Variants in COG2 observed in about 807,000 individuals in gnomAD.
The protein encoded by COG2 is conserved oligomeric Golgi complex subunit 2.
A neutral mutation model predicts 90.6 loss-of-function variants in COG2; 52 were observed. The observed-to-expected ratio is 0.57, with a 90% CI of 0.46 to 0.72. COG2 has a LOEUF of 0.72. Among genes scored for constraint, COG2 ranks in the 30% least tolerant of loss-of-function variants. The pLI is 0.00. For synonymous variants in COG2, 337 were observed against 320.4 expected (o/e 1.05, Z -0.55); for missense variants, 829 against 891.2 (o/e 0.93, Z 0.89).
intron 1 of COG2, among the ~76,000 whole-genome samples, chr1:230,651,106 CT>C (rs1661904120): frequency 6.6e-6 from 1 of 152,014 alleles, no homozygotes; most frequent in African/African-American, 2.4e-5. Flanking sequence ...CTCAATGAGA[CT>C]GAACATGTTT....
At chr1:230,661,350 C>T (rs1469650849) in intron 3 of COG2, 4 of 152,134 alleles carry the variant, frequency 2.6e-5, no homozygotes, top group Non-Finnish European at 4.4e-5. Context: ...AGTTGGGACT[C>T]CCCATGTCTA....
intron 1 of COG2, among the ~76,000 whole-genome samples, chr1:230,645,602 G>T (rs554384491): frequency 1.3e-5 from 2 of 152,260 alleles, no homozygotes; most frequent in South Asian, 4.2e-4. Context: ...GAGTGCAGGG[G>T]ATGGTTTTGG....
rs764421853 is a variant in COG2, at chr1:230,660,759, T to C, written c.236T>C (p.Val79Ala). The change falls in exon 3 of 18, where the codon GTT (valine) becomes GCT (alanine). Residue 79 changes from valine (V) to alanine (A), a missense_variant and splice_region_variant. Transcript: ENST00000366669. ...TGCCAACATGATTTCTGCCTTTAGG[T>C]TGGCATGGACAAAGCCCTCAACCAG... ...ADFVNLSTNL[V>A]GMDKALNQLS... 3.2e-6 allele frequency: 5 copies of C among 1,580,446 alleles called. No individual in the cohort carries two copies. The highest frequency in any genetic ancestry group is 4.3e-6 in the Non-Finnish European group (5 of 1,166,594).
At position 230,656,092 on chromosome 1, in the gene COG2, G is replaced by A. The variant is rs187514775; in HGVS notation, c.73-3372G>A. Among the ~76,000 whole-genome samples, 647 of 151,982 alleles carry A rather than the reference G, an allele frequency of 4.3e-3. 3 individuals carry two copies. Among genetic ancestry groups the A allele is most frequent in the African/African-American group, 0.015 (609 of 41,458 alleles). On this transcript the variant is annotated intron_variant, in intron 1 of 17. Coordinates refer to ENST00000366669, the MANE Select transcript of COG2 (RefSeq NM_007357.3). ...CATTGATTTTTTTGAAGGGTTTTTC[G>A]TGTCTCTATCTCCTTCAGTTCTGCT...
chr1:230,678,673 C>G, intron 9 of COG2: 1 of 1,425,020 alleles, frequency 7.0e-7, no homozygotes, highest in Non-Finnish European at 9.3e-7. Flanking sequence ...ACTTAGAGTG[C>G]CTGGGTCTCA....
intron 4 of COG2, among the ~76,000 whole-genome samples, chr1:230,663,542 G>C (rs947740130): frequency 3.3e-5 from 5 of 152,166 alleles, no homozygotes; most frequent in African/African-American, 1.2e-4. Context: ...AAAGATTCAA[G>C]AATGTAGTGC....
chr1:230,667,490 C>T (rs1438248288), intron 5 of COG2, among the ~76,000 whole-genome samples: 1 of 152,142 alleles, frequency 6.6e-6, no homozygotes, highest in African/African-American at 2.4e-5. Context: ...CTTTGAGGAG[C>T]TTTTCTTAAA....
Position 230,688,268 on chromosome 1 carries a change from CTGT to C in COG2, c.1651+126_1651+128del, listed in dbSNP as rs1486592763. ...GTAAATCCTTGGTTGTTTCTCTATT[CTGT>C]ATTATAACTTACCTAAATAAGATGT... On this transcript the variant is annotated intron_variant, in intron 14 of 17. Transcript: ENST00000366669. The C allele has an allele frequency of 1.1e-5, 13 of 1,223,016 alleles. No individual in the cohort carries two copies. The African/African-American group carries it at 1.7e-4, about 16-fold the overall frequency. The allele number at this position is 1,223,016 out of a possible 1,614,324, so 75.8% of individuals were successfully genotyped here.
intron 5 of COG2, among the ~76,000 whole-genome samples, chr1:230,665,870 T>C (rs1662308119): frequency 1.3e-5 from 2 of 152,202 alleles, no homozygotes; most frequent in Non-Finnish European, 2.9e-5. Context: ...ACTTGGCATC[T>C]GTGATACCTG....
At chr1:230,685,034 T>A in intron 11 of COG2, 51 bp from the exon 12 acceptor site, 1 of 1,603,862 alleles carries the variant, frequency 6.2e-7, no homozygotes, top group Non-Finnish European at 8.5e-7. Flanking sequence ...GACTATAGCC[T>A]AAAATTGCCT....
At chr1:230,686,896 C>T in intron 12 of COG2, 39 bp from the exon 13 acceptor site, 1 of 1,312,912 alleles carries the variant, frequency 7.6e-7, no homozygotes, top group Non-Finnish European at 1.0e-6. Context: ...ATGTATCTTG[C>T]TAGTGTGAAA....
intron 4 of COG2, among the ~76,000 whole-genome samples, chr1:230,663,967 G>A (rs1044703055): frequency 3.3e-5 from 5 of 152,108 alleles, no homozygotes; most frequent in Admixed American, 6.5e-5. Context: ...CAGGCAGATC[G>A]CTTGAGCTCA....
Position 230,688,509 on chromosome 1 carries a change from G to T in COG2, c.1741G>T (p.Gly581Cys), listed in dbSNP as rs537450472. The change falls in exon 15 of 18, where the codon GGT becomes TGT. Residue 581 changes from glycine to cysteine, a missense_variant. Physicochemically the swap from Gly to Cys is radical, Grantham distance 159 (BLOSUM62 -3). Coordinates refer to ENST00000366669, the MANE Select transcript of COG2 (RefSeq NM_007357.3). ...IIQDLSDSCF[G>C]FLKSALEVPR... ...CCAGGATTTAAGTGACTCTTGCTTCGGTTTCCTAAAAAGCGCCCTGGAGGT... is the reference window on the plus strand; with the variant it reads ...CCAGGATTTAAGTGACTCTTGCTTCTGTTTCCTAAAAAGCGCCCTGGAGGT... The T allele has an allele frequency of 4.3e-6, 7 of 1,614,076 alleles. No individual in the cohort carries two copies. In the African/African-American group the frequency reaches 6.7e-5, roughly 15 times the overall value.
intron 15 of COG2, among the ~76,000 whole-genome samples, chr1:230,689,314 A>C (rs1662964913): frequency 6.6e-6 from 1 of 152,246 alleles, no homozygotes. Context: ...TGAAGCTGCC[A>C]CTTGGAAGTG....
chr1:230,644,504 GAT>G (rs1453333026), intron 1 of COG2, among the ~76,000 whole-genome samples: 2 of 152,312 alleles, frequency 1.3e-5, no homozygotes, highest in African/African-American at 4.8e-5. Context: ...AGAAAGTTGG[GAT>G]ATGACATTTG....
intron 5 of COG2, among the ~76,000 whole-genome samples, chr1:230,667,666 C>T (rs553259788): frequency 1.3e-5 from 2 of 152,262 alleles, no homozygotes; most frequent in South Asian, 4.1e-4. Flanking sequence ...GACAGAGTTT[C>T]CCTTTTTGGT....
chr1:230,668,989 A>G, intron 6 of COG2: 2 of 471,696 alleles, frequency 4.2e-6, no homozygotes, highest in Non-Finnish European at 7.4e-6. Flanking sequence ...CCAGATGATA[A>G]GAGTAAAATT....
chr1:230,678,194 A>G (rs1662644891), intron 9 of COG2: 1 of 985,296 alleles, frequency 1.0e-6, no homozygotes, highest in African/African-American at 1.7e-5. Context: ...ATGCAGCCGC[A>G]GTTTTGGTCA....
At chr1:230,682,303 C>G (rs1358268605) in intron 10 of COG2, 2 of 152,208 alleles carry the variant, frequency 1.3e-5, no homozygotes, top group African/African-American at 2.4e-5. Context: ...GTTTGCTCTC[C>G]CAGGTGCAGA....
Sources: allele counts gnomAD v4.1 joint callset (sites outside exome capture counted in the v4.1 genomes callset), GRCh38; gene constraint gnomAD v4.1.1; transcripts MANE v1.5; gene names NCBI Gene and HGNC (gene_info 2026-07-23, HGNC 2026-07-21).